The following SLIT3 variants were observed in gnomAD, a reference collection of about 807,000 sequenced individuals.
SLIT3 encodes the protein slit homolog 3 protein.
A neutral mutation model predicts 184.0 loss-of-function variants in SLIT3; 68 were observed. The observed-to-expected ratio is 0.37, with a 90% confidence interval of 0.30 to 0.45. The LOEUF (loss-of-function observed/expected upper bound fraction) is 0.45. SLIT3 is among the 20% of genes least tolerant of loss of function. The pLI is 1.00. For synonymous variants in SLIT3, 831 were observed against 828.6 expected (o/e 1.00, Z -0.05); for missense variants, 1,707 against 2,026.0 (o/e 0.84, Z 3.02).
At chr5:169,118,272 T>A (rs1760762684) in intron 4 of SLIT3, among the ~76,000 whole-genome samples, 1 of 152,188 alleles carries the variant, frequency 6.6e-6, no homozygotes, top group African/African-American at 2.4e-5. Flanking sequence ...TGTATTAGGA[T>A]TTTTATTAGA....
intron 5 of SLIT3, among the ~76,000 whole-genome samples, chr5:168,881,382 T>TA (rs1009708670): frequency 1.5e-4 from 23 of 152,262 alleles, no homozygotes; most frequent in Non-Finnish European, 1.5e-5. Context: ...TTTATTCACT[T>TA]TCTTAACAAT....
chr5:169,263,663 T>C (rs780784637), intron 1 of SLIT3: 3 of 509,328 alleles, frequency 5.9e-6, no homozygotes, highest in Non-Finnish European at 1.2e-5. Context: ...GGCGTATCTG[T>C]GTGCTAGGGC....
At chr5:169,110,624 A>T (rs1451859796) in intron 4 of SLIT3, among the ~76,000 whole-genome samples, 3 of 152,168 alleles carry the variant, frequency 2.0e-5, no homozygotes, top group Non-Finnish European at 4.4e-5. Context: ...TCTAAACTTG[A>T]TCATCTGTAA....
intron 4 of SLIT3, among the ~76,000 whole-genome samples, chr5:169,169,515 A>C (rs1281040789): frequency 2.0e-5 from 3 of 152,214 alleles, no homozygotes; most frequent in Non-Finnish European, 2.9e-5. Context: ...TTTCCATGCA[A>C]AAAGGTCTGA....
Position 168,749,475 on chromosome 5 carries a change from C to T in SLIT3, c.2134G>A (p.Asp712Asn). 1 of 1,614,142 alleles carries T rather than the reference C, an allele frequency of 6.2e-7. No homozygotes were observed. Among genetic ancestry groups the T allele is most frequent in the Non-Finnish European group, 8.5e-7 (1 of 1,179,994 alleles). The change falls in exon 19 of 36, where the codon GAT becomes AAT. Residue 712 changes from aspartate (D) to asparagine (N), a missense_variant. By Grantham distance (23) the Asp-to-Asn change is conservative. Coordinates refer to ENST00000519560, the MANE Select transcript of SLIT3 (RefSeq NM_003062.4). ...CCTTGACCCACAGCCTTCTTACCAT[C>T]ACAGGTGAAGTCCTGGATGGCCACA... ...QDVAIQDFTC[D>N]GNEESSCQLS...
chr5:169,298,884 G>A (rs1199886304), intron 1 of SLIT3, among the ~76,000 whole-genome samples: 1 of 152,224 alleles, frequency 6.6e-6, no homozygotes, highest in Non-Finnish European at 1.5e-5. Context: ...ATCAAGGCAT[G>A]AAAAGCATTT....
At chr5:169,056,068 A>G (rs1216240279) in intron 4 of SLIT3, among the ~76,000 whole-genome samples, 3 of 152,118 alleles carry the variant, frequency 2.0e-5, no homozygotes, top group Non-Finnish European at 4.4e-5. Context: ...GGAGTCTGGG[A>G]GTCTGGTTAG....
chr5:168,696,213 G>T, intron 28 of SLIT3, 79 bp downstream of exon 28: 1 of 1,527,568 alleles, frequency 6.5e-7, no homozygotes, highest in Non-Finnish European at 9.1e-7. Flanking sequence ...GAGGAAGAGA[G>T]TCCCTGGAGG....
In SLIT3 at chr5:168,686,866, G is replaced by A. The variant is rs556742624; in HGVS notation, c.3314+113C>T. ...GGGAATAAAGGCATCACCCAGAACCGGGGCTACAGCCACCTGGGCCTGAGT... is the reference window on the plus strand; with the variant it reads ...GGGAATAAAGGCATCACCCAGAACCAGGGCTACAGCCACCTGGGCCTGAGT... On this transcript the variant is annotated intron_variant, in intron 30 of 35. Transcript: ENST00000519560. 101 of 1,292,064 alleles carry A rather than the reference G, an allele frequency of 7.8e-5. No homozygotes were observed. In the Middle Eastern group the frequency reaches 8.1e-4, roughly 10 times the overall value. 80.0% of individuals were successfully genotyped at this position (1,292,064 alleles called of 1,614,324 possible).
chr5:168,898,469 A>G (rs977895741), intron 4 of SLIT3, among the ~76,000 whole-genome samples: 1 of 152,162 alleles, frequency 6.6e-6, no homozygotes, highest in African/African-American at 2.4e-5. Context: ...ATGAGATATA[A>G]AAATGGTCCT....
At chr5:168,690,109 G>A (rs1186319895) in intron 29 of SLIT3, among the ~76,000 whole-genome samples, 2 of 151,036 alleles carry the variant, frequency 1.3e-5, no homozygotes, top group African/African-American at 2.4e-5. Flanking sequence ...CCCCACACCT[G>A]CACCCTTGAC....
intron 4 of SLIT3, among the ~76,000 whole-genome samples, chr5:169,187,821 T>C (rs892203552): frequency 2.6e-5 from 4 of 151,634 alleles, no homozygotes; most frequent in Non-Finnish European, 4.4e-5. Flanking sequence ...CCCAAAGTGT[T>C]GGGATTACAG....
chr5:169,077,795 T>C (rs1433191403), intron 4 of SLIT3, among the ~76,000 whole-genome samples: 1 of 150,516 alleles, frequency 6.6e-6, no homozygotes, highest in Non-Finnish European at 1.5e-5. Context: ...ATGTGTTTTC[T>C]ACATTTTCCA....
intron 3 of SLIT3, among the ~76,000 whole-genome samples, chr5:169,225,855 G>A (rs1764789400): frequency 6.6e-6 from 1 of 152,216 alleles, no homozygotes; most frequent in Non-Finnish European, 1.5e-5. Context: ...AAGAGCCAAG[G>A]GAAGCTGAGG....
chr5:169,137,305 T>TACACACAC (rs747552567), intron 4 of SLIT3, among the ~76,000 whole-genome samples: 6 of 136,006 alleles, frequency 4.4e-5, no homozygotes, highest in East Asian at 2.3e-4. Flanking sequence ...TCTATCTACA[T>TACACACAC]ACACACACAC....
intron 20 of SLIT3, among the ~76,000 whole-genome samples, chr5:168,743,427 T>C (rs971790051): frequency 1.8e-4 from 27 of 152,358 alleles, no homozygotes; most frequent in Middle Eastern, 6.8e-3. Flanking sequence ...TTGATGTCTC[T>C]ATTGTAATTG....
At chr5:169,139,682 ATAGT>A (rs1163815889) in intron 4 of SLIT3, among the ~76,000 whole-genome samples, 2 of 152,230 alleles carry the variant, frequency 1.3e-5, no homozygotes, top group Non-Finnish European at 1.5e-5. Context: ...ACACCAGGAA[ATAGT>A]TAGTGATGGA....
Position 169,105,972 on chromosome 5 carries a change from C to T in SLIT3, c.413+87507G>A, listed in dbSNP as rs1760192018. ...ATTTATATTTCTTTGGGTATATAACCAGTAATGGGATGGCTGGGTCAAATG... is the reference window on the plus strand; with the variant it reads ...ATTTATATTTCTTTGGGTATATAACTAGTAATGGGATGGCTGGGTCAAATG... On this transcript the variant is annotated intron_variant, in intron 4 of 35. Coordinates refer to ENST00000519560, the MANE Select transcript of SLIT3 (RefSeq NM_003062.4). Among the ~76,000 whole-genome samples the T allele has an allele frequency of 2.0e-5, 3 of 150,546 alleles. No homozygotes were observed. In the South Asian group the frequency reaches 6.3e-4, roughly 32 times the overall value.
chr5:168,930,583 C>A (rs1761957422), intron 4 of SLIT3, among the ~76,000 whole-genome samples: 1 of 152,076 alleles, frequency 6.6e-6, no homozygotes, highest in Non-Finnish European at 1.5e-5. Context: ...ATAAAACATG[C>A]AGAGGGCTGA....
Sources: gnomAD v4.1 joint callset for allele counts (sites outside exome capture counted in the v4.1 genomes callset) on GRCh38, gnomAD v4.1.1 for gene constraint, MANE v1.5 for transcripts, NCBI Gene and HGNC (gene_info 2026-07-23, HGNC 2026-07-21) for gene names.